Variants in CGNL1 observed in about 807,000 individuals in gnomAD.
The protein encoded by CGNL1 is cingulin-like protein 1.
In CGNL1, 132 loss-of-function variants were observed where a neutral mutation model predicts 141.2. That is an observed-to-expected ratio of 0.93 (90% confidence interval 0.81 to 1.08). The LOEUF is 1.08. Ranked by LOEUF, CGNL1 falls within the 50% of genes least tolerant of loss-of-function variation. The pLI is 0.00. For synonymous variants in CGNL1, 690 were observed against 622.1 expected (o/e 1.11, Z -1.63); for missense variants, 1,870 against 1,588.6 (o/e 1.18, Z -3.01).
chr15:57,412,996 G>T (rs369336461), intron 1 of CGNL1, among the ~76,000 whole-genome samples: 3 of 152,094 alleles, frequency 2.0e-5, no homozygotes, highest in Non-Finnish European at 4.4e-5. Context: ...GAGTAGCTGG[G>T]ATGACAGGTG....
intron 1 of CGNL1, among the ~76,000 whole-genome samples, chr15:57,425,617 T>C (rs552846476): frequency 6.6e-6 from 1 of 152,154 alleles, no homozygotes; most frequent in African/African-American, 2.4e-5. Context: ...GGCATGTGCC[T>C]GTAGTCCCAG....
At chr15:57,392,639 C>A (rs550931623) in intron 1 of CGNL1, among the ~76,000 whole-genome samples, 2 of 152,176 alleles carry the variant, frequency 1.3e-5, no homozygotes, top group Non-Finnish European at 2.9e-5. Context: ...AAGTATGAGA[C>A]CTTCTGTTCA....
At chr15:57,469,259 G>A (rs2152343102) in intron 8 of CGNL1, among the ~76,000 whole-genome samples, 1 of 151,898 alleles carries the variant, frequency 6.6e-6, no homozygotes, top group East Asian at 1.9e-4. Flanking sequence ...TCGTCTCTGG[G>A]TGCCTGGAAG....
At chr15:57,397,691 A>G (rs1406285754) in intron 1 of CGNL1, among the ~76,000 whole-genome samples, 4 of 152,128 alleles carry the variant, frequency 2.6e-5, no homozygotes, top group Non-Finnish European at 5.9e-5. Flanking sequence ...GTCCTTTGAC[A>G]TGTGACGAGC....
intron 8 of CGNL1, among the ~76,000 whole-genome samples, chr15:57,478,719 G>A (rs1285091830): frequency 6.6e-6 from 1 of 152,188 alleles, no homozygotes; most frequent in Non-Finnish European, 1.5e-5. Flanking sequence ...GCTCGCTGCT[G>A]CCTCGACCTC....
intron 14 of CGNL1, among the ~76,000 whole-genome samples, chr15:57,537,228 G>A (rs1323792832): frequency 1.3e-5 from 2 of 152,230 alleles, no homozygotes; most frequent in Non-Finnish European, 2.9e-5. Flanking sequence ...ATACCAACTC[G>A]AGCTTTGGGT....
intron 10 of CGNL1, among the ~76,000 whole-genome samples, chr15:57,519,583 G>C (rs2031101457): frequency 6.6e-6 from 1 of 152,160 alleles, no homozygotes; most frequent in South Asian, 2.1e-4. Flanking sequence ...TTCAATGTCT[G>C]ACTGCCTTCA....
intron 15 of CGNL1, 37 bp from the exon 16 acceptor site, chr15:57,544,436 A>ACAGAGCGTGGCAGG (rs1567180106): frequency 6.2e-7 from 1 of 1,613,448 alleles, no homozygotes; most frequent in Admixed American, 1.7e-5. Flanking sequence ...AGCGTGGCAG[A>ACAGAGCGTGGCAGG]CACATAGCCC....
At chr15:57,398,544 A>G (rs8038192) in intron 1 of CGNL1, 71,141 of 152,078 alleles carry the variant, frequency 0.47, 16,894 homozygotes, top group East Asian at 0.71. Context: ...GCTGGGAAGC[A>G]CTGTGAGCTC....
intron 8 of CGNL1, among the ~76,000 whole-genome samples, chr15:57,485,334 G>A (rs1486865773): frequency 6.6e-6 from 1 of 152,012 alleles, no homozygotes; most frequent in East Asian, 1.9e-4. Flanking sequence ...GTTTATCTTG[G>A]TATATATTCT....
chr15:57,531,787 T>A lies in CGNL1; in HGVS notation c.3291+8T>A. 1 of 1,537,730 alleles carries A rather than the reference T, an allele frequency of 6.5e-7. No individual in the cohort carries two copies. The highest frequency in any genetic ancestry group is 9.0e-7 in the Non-Finnish European group (1 of 1,110,454). The stretch of plus-strand genomic sequence containing the variant: ...AGTAGGAGCAGGGAACAGGTACTAT[T>A]CTATAGGTGAATGATGCGTGGATTG... On this transcript the variant is annotated splice_region_variant and intron_variant, in intron 14 of 18. Coordinates refer to ENST00000281282, the MANE Select transcript of CGNL1 (RefSeq NM_032866.5).
At chr15:57,403,225 T>TG (rs2062679128) in intron 1 of CGNL1, among the ~76,000 whole-genome samples, 1 of 152,206 alleles carries the variant, frequency 6.6e-6, no homozygotes, top group South Asian at 2.1e-4. Context: ...CCCTGACTCA[T>TG]GCTGAGCTTT....
intron 14 of CGNL1, among the ~76,000 whole-genome samples, chr15:57,539,896 C>T (rs1394451208): frequency 6.6e-6 from 1 of 152,236 alleles, no homozygotes; most frequent in Non-Finnish European, 1.5e-5. Context: ...AATCTAAGCA[C>T]AGATGGGGAT....
chr15:57,400,740 AG>A (rs1331065123), intron 1 of CGNL1, among the ~76,000 whole-genome samples: 3 of 151,776 alleles, frequency 2.0e-5, no homozygotes, highest in Admixed American at 1.3e-4. Flanking sequence ...AAATTTAGCT[AG>A]GCTTGGTGGC....
intron 1 of CGNL1, among the ~76,000 whole-genome samples, chr15:57,405,345 G>A (rs2062704084): frequency 6.6e-6 from 1 of 152,204 alleles, no homozygotes; most frequent in Non-Finnish European, 1.5e-5. Flanking sequence ...ACTCTGACTC[G>A]GGTGTCTGAT....
intron 1 of CGNL1, among the ~76,000 whole-genome samples, chr15:57,409,071 A>ACACACACACACG (rs2062756840): frequency 6.7e-6 from 1 of 149,762 alleles, no homozygotes; most frequent in African/African-American, 2.5e-5. Context: ...ACACACACAC[A>ACACACACACACG]CATTGCCTTT....
chr15:57,459,233 C>T (rs536953179), intron 7 of CGNL1, among the ~76,000 whole-genome samples: 16 of 152,288 alleles, frequency 1.1e-4, no homozygotes, highest in Non-Finnish European at 1.5e-4. Context: ...CTCCAGACAC[C>T]TGCTGTACTG....
At chr15:57,439,653 T>C (rs762586409) in intron 2 of CGNL1, 52 bp downstream of exon 2, 2 of 1,535,284 alleles carry the variant, frequency 1.3e-6, no homozygotes, top group Non-Finnish European at 1.8e-6. Context: ...TTCTAAATAA[T>C]GTAATGATGT....
In CGNL1 at chr15:57,451,376, G is replaced by C. The variant is rs368255202; in HGVS notation, c.1804-124G>C. ...CCCTGAAGGGGTTGATGTTTGAATT[G>C]GGTCTTAAAATGTTTAGTGTTATGC... On this transcript the variant is annotated intron_variant, in intron 4 of 18. Transcript: ENST00000281282. 1.8e-5 allele frequency: 12 copies of C among 652,784 alleles called. No homozygotes were observed. In the African/African-American group the frequency reaches 2.0e-4, roughly 11 times the overall value. 40.4% of individuals were successfully genotyped at this position (652,784 alleles called of 1,614,324 possible). A position where few individuals can be genotyped will look rare whatever the true frequency, so the allele number is the denominator to read the frequency against.
Sources: allele counts gnomAD v4.1 joint callset (sites outside exome capture counted in the v4.1 genomes callset), GRCh38; gene constraint gnomAD v4.1.1; transcripts MANE v1.5; gene names NCBI Gene and HGNC (gene_info 2026-07-23, HGNC 2026-07-21).